DDX3X: variants seen among roughly 807,000 people sequenced by gnomAD.
DDX3X encodes DEAD-box helicase 3 X-linked.
Under a neutral mutation model 52.7 loss-of-function variants are expected in DDX3X, and 4 were observed. The ratio of observed to expected loss-of-function variants is 0.08; its 90% CI spans 0.04 to 0.17. The LOEUF (loss-of-function observed/expected upper bound fraction) is 0.17, where lower values mean the gene tolerates loss of function less well. DDX3X is among the 10% of genes least tolerant of loss of function. The pLI is 1.00. For synonymous variants in DDX3X, 192 were observed against 178.1 expected (o/e 1.08, Z -0.62); for missense variants, 222 against 548.6 (o/e 0.40, Z 5.95).
Position 41,348,833 on chromosome X carries a change from G to A in DDX3X, c.*1114G>A, listed in dbSNP as rs1909712837. On this transcript the variant is annotated 3_prime_UTR_variant, in exon 17 of 17. Coordinates refer to ENST00000644876, the MANE Select transcript of DDX3X (RefSeq NM_001356.5). ...GTTAAACTGGCTTACTATAGACTTC[G>A]TAAAAATGGCTCCAGAAGAGTAACA... The A allele has an allele frequency of 8.9e-6, 1 of 112,524 alleles. No homozygotes were observed. The highest frequency in any genetic ancestry group is 1.9e-5 in the Non-Finnish European group (1 of 53,256). 9.3% of individuals were successfully genotyped at this position (112,524 alleles called of 1,213,427 possible). A position where few individuals can be genotyped will look rare whatever the true frequency, so the allele number is the denominator to read the frequency against.
rs1282711737 is a variant in DDX3X at position 41,334,251 on chromosome X, G to A, written c.-2G>A. On this transcript the variant is annotated 5_prime_UTR_variant, in exon 1 of 17. Transcript: ENST00000644876. ...ACTCCGAGTTCTCGGTACTCTTCAG[G>A]GATGAGTCATGTGGCAGTGGAAAAT... The A allele has an allele frequency of 3.3e-6, 4 of 1,208,931 alleles. No homozygotes were observed. The African/African-American group carries it at 7.0e-5, about 21-fold the overall frequency.
exon 6 of DDX3X, chrX:41,364,452 C>T (rs965781052): frequency 1.0e-5 from 3 of 288,527 alleles, no homozygotes; most frequent in Non-Finnish European, 1.8e-5. Flanking sequence ...GAAAAATAAA[C>T]ACCTATGCAC....
chrX:41,351,729 A>G (rs778641880), downstream of DDX3X: 3 of 111,185 alleles, frequency 2.7e-5, no homozygotes, highest in Non-Finnish European at 3.8e-5. Flanking sequence ...GTTTAGTGTC[A>G]TTGTTTCTAA....
chrX:41,336,627 T>C (rs746791220), intron 1 of DDX3X: 4 of 111,187 alleles, frequency 3.6e-5, no homozygotes, highest in African/African-American at 1.3e-4. Flanking sequence ...AAAAGTAGCC[T>C]AGCGTGGTGG....
rs752216129 is a variant in DDX3X, at chrX:41,346,947, G to A, written c.1704G>A (p.Pro568=). The A allele has an allele frequency of 3.1e-5, 37 of 1,207,696 alleles. No individual in the cohort carries two copies. The highest frequency in any genetic ancestry group is 3.5e-5 in the South Asian group (2 of 56,735). ...DLLVEAKQEV[P]SWLENMAYEH... ...TTGTTGAAGCTAAACAAGAAGTGCC[G>A]TCTTGGTTAGAAAACATGGCTTATG... The change falls in exon 15 of 17, where the codon CCG becomes CCA. Residue 568 remains proline (P), a synonymous_variant. Coordinates refer to ENST00000644876, the MANE Select transcript of DDX3X (RefSeq NM_001356.5).
intron 12 of DDX3X, chrX:41,345,801 C>T: frequency 3.2e-6 from 1 of 314,427 alleles, no homozygotes; most frequent in South Asian, 8.3e-5. Flanking sequence ...CAGCCCAGAA[C>T]TCCTAGACTT....
chrX:41,347,944 T>G lies in DDX3X; in HGVS notation c.*225T>G. 2.7e-6 allele frequency: 1 copy of G among 371,209 alleles called. No homozygotes were observed. Among genetic ancestry groups the G allele is most frequent in the Non-Finnish European group, 4.6e-6 (1 of 216,820 alleles). 30.6% of individuals were successfully genotyped at this position (371,209 alleles called of 1,213,427 possible). A position where few individuals can be genotyped will look rare whatever the true frequency, so the allele number is the denominator to read the frequency against. Reference sequence around the variant, plus strand: ...GTTTGAAGACTTCATTGCTGTAGTTTGGATTAACTCCCCTCCCGCCTACCC... The same window carrying G: ...GTTTGAAGACTTCATTGCTGTAGTTGGGATTAACTCCCCTCCCGCCTACCC... On this transcript the variant is annotated 3_prime_UTR_variant, in exon 17 of 17. Coordinates refer to ENST00000644876, the MANE Select transcript of DDX3X (RefSeq NM_001356.5).
intron 3 of DDX3X, chrX:41,341,080 G>A: frequency 5.5e-6 from 1 of 182,754 alleles, no homozygotes; most frequent in East Asian, 9.8e-5. Flanking sequence ...CAGCCTCCCG[G>A]GTTCAAGTGA....
In DDX3X at chrX:41,347,703, A is replaced by G; in HGVS notation, c.1973A>G (p.Asp658Gly). The G allele has an allele frequency of 8.4e-7, 1 of 1,195,480 alleles. No individual in the cohort carries two copies. The highest frequency in any genetic ancestry group is 1.1e-6 in the Non-Finnish European group (1 of 886,515). ...GGAAATTATAACTCCCAGGGGGTTG[A>G]CTGGTGGGGTAACTGAGCCTGCTTT... ...YGGNYNSQGV[D>G]WWGN The change falls in exon 17 of 17, where the codon GAC becomes GGC. Residue 658 changes from aspartate (D) to glycine (G), a missense_variant. By Grantham distance (94) the Asp-to-Gly change is moderately conservative. Around this residue, in one of 5 missense-constraint regions of DDX3X, gnomAD observed 38 missense variants for 52.0 expected, o/e 0.73. Coordinates refer to ENST00000644876, the MANE Select transcript of DDX3X (RefSeq NM_001356.5).
chrX:41,352,623 TCTTTC>T (rs1204658546), downstream of DDX3X, among the ~76,000 whole-genome samples: 5 of 111,391 alleles, frequency 4.5e-5, no homozygotes, highest in Non-Finnish European at 9.4e-5. Flanking sequence ...TTTAGATTAG[TCTTTC>T]CTTTCTTGGA....
intron 15 of DDX3X, 78 bp from the exon 16 acceptor site, chrX:41,347,234 A>G: frequency 9.3e-7 from 1 of 1,078,829 alleles, no homozygotes; most frequent in Non-Finnish European, 1.3e-6. Flanking sequence ...AAAATTAGAA[A>G]TTGGTCATTA....
rs1314639250 is a variant in DDX3X, at chrX:41,350,021, T to C, written c.*2302T>C. ...AGCAATAGCATTTGAGCAAGTTTTA[T>C]CAGCAAGCAATATTTTCAGTTAATA... On this transcript the variant is annotated 3_prime_UTR_variant, in exon 17 of 17. Coordinates refer to ENST00000644876, the MANE Select transcript of DDX3X (RefSeq NM_001356.5). 1.8e-5 allele frequency: 2 copies of C among 111,432 alleles called. No homozygotes were observed. The highest frequency in any genetic ancestry group is 3.8e-5 in the Non-Finnish European group (2 of 53,002). The allele number at this position is 111,432 out of a possible 1,213,427, so 9.2% of individuals were successfully genotyped here.
chrX:41,363,789 A>AAAAC (rs1346124299), intron 5 of DDX3X, among the ~76,000 whole-genome samples: 7 of 88,143 alleles, frequency 7.9e-5, no homozygotes, highest in Non-Finnish European at 6.8e-5. Context: ...GTCTCAAAAC[A>AAAAC]AAAGAAACAA....
intron 14 of DDX3X, 44 bp from the exon 15 acceptor site, chrX:41,346,815 T>C (rs747475744): frequency 1.6e-5 from 18 of 1,128,962 alleles, no homozygotes; most frequent in Non-Finnish European, 2.0e-5. Context: ...CAAGTTACTT[T>C]ATGGAAGACC....
intron 5 of DDX3X, among the ~76,000 whole-genome samples, chrX:41,355,495 T>A (rs959726655): frequency 9.1e-6 from 1 of 110,119 alleles, no homozygotes; most frequent in African/African-American, 3.3e-5. Flanking sequence ...TGAGACAGGG[T>A]CCCACTCTGT....
intron 5 of DDX3X, among the ~76,000 whole-genome samples, chrX:41,360,739 A>G (rs1186444748): frequency 9.0e-6 from 1 of 110,869 alleles, no homozygotes; most frequent in South Asian, 3.8e-4. Flanking sequence ...AACCACACCC[A>G]GCCTAGTGCC....
At chrX:41,342,067 T>G in intron 4 of DDX3X, 1 of 154,023 alleles carries the variant, frequency 6.5e-6, no homozygotes, top group Non-Finnish European at 1.3e-5. Context: ...TTTTCTACCT[T>G]TTATCCAAAG....
At position 41,343,082 on chromosome X, in the gene DDX3X, A is replaced by G. The variant is rs753872224; in HGVS notation, c.544-134A>G. 22 of 837,571 alleles carry G rather than the reference A, an allele frequency of 2.6e-5. No individual in the cohort carries two copies. The South Asian group carries it at 4.1e-4, about 16-fold the overall frequency. 69.0% of individuals were successfully genotyped at this position (837,571 alleles called of 1,213,427 possible). A position where few individuals can be genotyped will look rare whatever the true frequency, so the allele number is the denominator to read the frequency against. ...GTAAGCCTGGGGGTTGGTTTTTCTC[A>G]AAGTATAATGTGATAATTTTACTTA... is the stretch of plus-strand genomic sequence containing the variant. On this transcript the variant is annotated intron_variant, in intron 6 of 16. Transcript: ENST00000644876.
At chrX:41,335,991 A>G (rs1252723196) in intron 1 of DDX3X, 1 of 112,418 alleles carries the variant, frequency 8.9e-6, no homozygotes, top group African/African-American at 3.2e-5. Flanking sequence ...TAGCAAGAGA[A>G]AGCGCAGTGG....
Sources: gnomAD v4.1 joint callset for allele counts (sites outside exome capture counted in the v4.1 genomes callset) on GRCh38, gnomAD v4.1.1 for gene constraint, gnomAD v4.1.1 regional missense constraint, MANE v1.5 for transcripts, NCBI Gene and HGNC (gene_info 2026-07-23, HGNC 2026-07-21) for gene names.